Variants in ABCC9 observed in about 807,000 individuals in gnomAD.
The protein encoded by ABCC9 is ATP binding cassette subfamily C member 9.
In ABCC9, 95 loss-of-function variants were observed where a neutral mutation model predicts 188.3. The ratio of observed to expected loss-of-function variants is 0.50; its 90% CI spans 0.43 to 0.60. ABCC9 has a LOEUF of 0.60. Among genes scored for constraint, ABCC9 ranks in the 20% least tolerant of loss-of-function variants. ABCC9 has a pLI of 0.00. For synonymous variants in ABCC9, 659 were observed against 652.7 expected (o/e 1.01, Z -0.15); for missense variants, 1,102 against 1,876.3 (o/e 0.59, Z 7.62).
chr12:21,862,866 A>G (rs1945589571), intron 20 of ABCC9, 87 bp downstream of exon 20: 1 of 869,788 alleles, frequency 1.1e-6, no homozygotes, highest in Non-Finnish European at 1.9e-6. Context: ...CCAGATGTAA[A>G]GGTTCCAGAA....
At chr12:21,837,942 A>C (rs1025298822) in intron 30 of ABCC9, 136 bp downstream of exon 30, 37 of 769,816 alleles carry the variant, frequency 4.8e-5, no homozygotes, top group Admixed American at 6.3e-5. Context: ...AATTTTTCTT[A>C]TTCTTGGTTT....
chr12:21,923,960 G>A (rs551164071), intron 5 of ABCC9: 59 of 564,074 alleles, frequency 1.0e-4, no homozygotes, highest in African/African-American at 8.8e-4. Context: ...GCTACATTAC[G>A]GATGAGCATC....
intron 3 of ABCC9, 147 bp from the exon 4 acceptor site, chr12:21,934,070 A>C (rs1351781458): frequency 1.4e-6 from 1 of 735,914 alleles, no homozygotes; most frequent in Non-Finnish European, 2.2e-6. Context: ...TGGAAATCCT[A>C]GTCTATTTTC....
rs1423673620 is a variant in ABCC9, at chr12:21,875,700, G to A, written c.2046C>T (p.Gly682=). ...IKVTNGYFSW[G]SGLATLSNID... is the part of the protein sequence containing the mutation. ...TATTGGATAATGTAGCTAAACCACT[G>A]CCCCATGAAAAGTATCCATTTGTGA... The change falls in exon 17 of 40, where the codon GGC becomes GGT. Residue 682 remains glycine (G), a synonymous_variant. Transcript: ENST00000261200. 1 of 1,612,256 alleles carries A rather than the reference G, an allele frequency of 6.2e-7. No homozygotes were observed. The highest frequency in any genetic ancestry group is 1.3e-5 in the African/African-American group (1 of 74,966).
At chr12:21,868,979 A>T (rs528449539) in intron 18 of ABCC9, among the ~76,000 whole-genome samples, 74 of 152,316 alleles carry the variant, frequency 4.9e-4, no homozygotes, top group African/African-American at 1.7e-3. Flanking sequence ...TGATCCTAAA[A>T]TATGTTTTAT....
intron 4 of ABCC9, among the ~76,000 whole-genome samples, chr12:21,928,350 GAGAA>G (rs1202277061): frequency 1.1e-3 from 143 of 131,100 alleles, no homozygotes; most frequent in South Asian, 1.6e-3. Flanking sequence ...GGAAGAAAAA[GAGAA>G]AGAAAGAAAG....
At chr12:21,900,544 A>G (rs1291764681) in intron 12 of ABCC9, among the ~76,000 whole-genome samples, 1 of 152,168 alleles carries the variant, frequency 6.6e-6, no homozygotes, top group African/African-American at 2.4e-5. Context: ...CCCATCGCAA[A>G]CAAGCTAAAA....
chr12:21,807,329 T>C lies in ABCC9; in HGVS notation c.4449+17A>G. The C allele has an allele frequency of 6.2e-7, 1 of 1,613,766 alleles. No individual in the cohort carries two copies. Among genetic ancestry groups the C allele is most frequent in the South Asian group, 1.1e-5 (1 of 91,080 alleles). ...TCTCCAATTCGTCAATTTTAAAAGC[T>C]TAGATAATGCACTCACTGTGGCCAT... On this transcript the variant is annotated intron_variant, in intron 38 of 39. Transcript: ENST00000261200.
Position 21,864,451 on chromosome 12 carries a change from T to G in ABCC9, c.2225A>C (p.Glu742Ala). The G allele has an allele frequency of 6.3e-7, 1 of 1,590,298 alleles. No individual in the cohort carries two copies. The highest frequency in any genetic ancestry group is 1.1e-5 in the South Asian group (1 of 90,576). The change falls in exon 19 of 40, where the codon GAA (glutamate) becomes GCA (alanine). Residue 742 changes from glutamate to alanine, a missense_variant. This residue lies in a region of ABCC9 where 258 missense variants were observed against 325.6 expected (regional missense o/e 0.79). Transcript: ENST00000261200. ...SNVNESEPSF[E>A]ATRSRNRYSV... ...ATAGAAATAATACCTTCTGGTTGCT[T>G]CAAAAGAAGGCTCAGATTCATTTAC... is the stretch of plus-strand genomic sequence containing the variant.
intron 3 of ABCC9, 26 bp from the exon 4 acceptor site, chr12:21,933,949 CA>C (rs749467016): frequency 1.2e-6 from 2 of 1,612,604 alleles, no homozygotes; most frequent in Non-Finnish European, 1.7e-6. Flanking sequence ...AAGTTAAAAA[CA>C]AAAAGACATA....
chr12:21,813,474 T>C (rs565642173), intron 35 of ABCC9, among the ~76,000 whole-genome samples: 1 of 152,282 alleles, frequency 6.6e-6, no homozygotes, highest in South Asian at 2.1e-4. Flanking sequence ...TGAATTAAAA[T>C]CTTAATAGCC....
intron 36 of ABCC9, 61 bp downstream of exon 36, chr12:21,811,988 C>A: frequency 8.1e-7 from 1 of 1,240,944 alleles, no homozygotes; most frequent in Non-Finnish European, 1.2e-6. Context: ...TGAGTAAAAC[C>A]TTTCTATGAG....
intron 21 of ABCC9, among the ~76,000 whole-genome samples, chr12:21,859,891 C>T (rs1373337546): frequency 1.3e-5 from 2 of 152,122 alleles, no homozygotes; most frequent in Admixed American, 1.3e-4. Flanking sequence ...CTTCCTTTCA[C>T]TCTAATAGAG....
intron 2 of ABCC9, 37 bp from the exon 3 acceptor site, chr12:21,936,731 A>G (rs1949504982): frequency 6.9e-7 from 1 of 1,457,570 alleles, no homozygotes; most frequent in Admixed American, 1.7e-5. Context: ...AAATCCTCTT[A>G]TTAGTAAACT....
intron 4 of ABCC9, among the ~76,000 whole-genome samples, chr12:21,929,326 T>A (rs1949180357): frequency 6.6e-6 from 1 of 151,844 alleles, no homozygotes; most frequent in Non-Finnish European, 1.5e-5. Flanking sequence ...CCAATCAAAT[T>A]AAACAAAAGA....
In ABCC9 at chr12:21,894,656, C is replaced by G. The variant is rs1477126582; in HGVS notation, c.1660-482G>C. On this transcript the variant is annotated intron_variant, in intron 13 of 39. Coordinates refer to ENST00000261200, the MANE Select transcript of ABCC9 (RefSeq NM_020297.4). ...ACACGGTATCACTTCATTGCCCAGG[C>G]TAGAGTGTAGTAGCGTGATCATGGC... Among the ~76,000 whole-genome samples the G allele has an allele frequency of 3.4e-5, 5 of 148,262 alleles. No individual in the cohort carries two copies. The East Asian group carries it at 9.9e-4, about 29-fold the overall frequency.
intron 15 of ABCC9, among the ~76,000 whole-genome samples, chr12:21,886,982 C>A (rs1399483228): frequency 6.6e-6 from 1 of 152,110 alleles, no homozygotes; most frequent in East Asian, 1.9e-4. Flanking sequence ...CTAATACCCT[C>A]TTTCATTTTC....
At chr12:21,886,250 C>G (rs930685132) in intron 15 of ABCC9, among the ~76,000 whole-genome samples, 4 of 151,956 alleles carry the variant, frequency 2.6e-5, no homozygotes, top group Admixed American at 1.3e-4. Flanking sequence ...CAAAATGTAC[C>G]TCTTGATTCT....
chr12:21,907,121 A>G (rs1364737249), intron 11 of ABCC9, among the ~76,000 whole-genome samples: 1 of 152,098 alleles, frequency 6.6e-6, no homozygotes, highest in African/African-American at 2.4e-5. Flanking sequence ...TTAAATGCCT[A>G]TCAAATGATT....
Sources: gnomAD v4.1 joint callset for allele counts (sites outside exome capture counted in the v4.1 genomes callset) on GRCh38, gnomAD v4.1.1 for gene constraint, gnomAD v4.1.1 regional missense constraint, MANE v1.5 for transcripts, NCBI Gene and HGNC (gene_info 2026-07-23, HGNC 2026-07-21) for gene names.